The following GRIA1 variants were observed in gnomAD, a reference collection of about 807,000 sequenced individuals.
The protein encoded by GRIA1 is glutamate ionotropic receptor AMPA type subunit 1.
A neutral mutation model predicts 99.2 loss-of-function variants in GRIA1; 31 were observed. That is an observed-to-expected ratio of 0.31 (90% CI 0.23 to 0.42). The LOEUF (loss-of-function observed/expected upper bound fraction) is 0.42, where lower values mean the gene tolerates loss of function less well. Among genes scored for constraint, GRIA1 ranks in the 10% least tolerant of loss-of-function variants. GRIA1 has a pLI of 1.00. For synonymous variants in GRIA1, 438 were observed against 432.4 expected, an observed-to-expected ratio of 1.01 and a Z score of -0.16; for missense variants, 782 against 1,157.5, an observed-to-expected ratio of 0.68 and a Z score of 4.71.
intron 6 of GRIA1, among the ~76,000 whole-genome samples, chr5:153,676,337 C>A (rs540821984): frequency 2.6e-5 from 4 of 152,214 alleles, no homozygotes; most frequent in South Asian, 4.1e-4. Flanking sequence ...ATATATTTTC[C>A]TGGACTGCTC....
At chr5:153,739,067 T>A (rs1170547298) in intron 11 of GRIA1, among the ~76,000 whole-genome samples, 1 of 144,274 alleles carries the variant, frequency 6.9e-6, no homozygotes, top group East Asian at 2.1e-4. Context: ...CATTCTCCAT[T>A]CTGCAAGGCA....
chr5:153,576,987 T>C (rs1762598156), intron 2 of GRIA1, among the ~76,000 whole-genome samples: 1 of 129,938 alleles, frequency 7.7e-6, no homozygotes, highest in Non-Finnish European at 1.6e-5. Context: ...GATGGATGGG[T>C]GAGTGGATGA....
At chr5:153,627,390 C>A (rs1007577268) in intron 2 of GRIA1, among the ~76,000 whole-genome samples, 1 of 152,174 alleles carries the variant, frequency 6.6e-6, no homozygotes, top group Non-Finnish European at 1.5e-5. Flanking sequence ...ACCATCAAAC[C>A]CTTTATCCTT....
intron 2 of GRIA1, among the ~76,000 whole-genome samples, chr5:153,616,871 A>G (rs750839468): frequency 4.6e-5 from 7 of 152,156 alleles, no homozygotes; most frequent in Non-Finnish European, 1.0e-4. Flanking sequence ...TTCTCTCTTC[A>G]CTTCAGTGTT....
At chr5:153,561,922 C>T (rs1000451598) in intron 2 of GRIA1, among the ~76,000 whole-genome samples, 1 of 152,060 alleles carries the variant, frequency 6.6e-6, no homozygotes, top group Non-Finnish European at 1.5e-5. Context: ...AATTTTGGAT[C>T]AAAAGGGGAT....
chr5:153,622,588 C>T (rs144722728), intron 2 of GRIA1, among the ~76,000 whole-genome samples: 178 of 93,110 alleles, frequency 1.9e-3, no homozygotes, highest in African/African-American at 5.2e-3. Flanking sequence ...AGTTAAACCA[C>T]GCCTATGTGA....
intron 5 of GRIA1, among the ~76,000 whole-genome samples, chr5:153,668,356 A>G (rs1755899498): frequency 6.6e-6 from 1 of 152,124 alleles, no homozygotes; most frequent in Non-Finnish European, 1.5e-5. Flanking sequence ...TCCAGCCATC[A>G]CCTGATTTTA....
At chr5:153,617,719 C>T (rs1027113030) in intron 2 of GRIA1, among the ~76,000 whole-genome samples, 3 of 152,182 alleles carry the variant, frequency 2.0e-5, no homozygotes, top group African/African-American at 7.2e-5. Context: ...CACCTCTAAT[C>T]TCATATTTAT....
chr5:153,538,575 A>G (rs1758793364), intron 2 of GRIA1, among the ~76,000 whole-genome samples: 1 of 152,138 alleles, frequency 6.6e-6, no homozygotes, highest in South Asian at 2.1e-4. Context: ...GTCAGCTCAC[A>G]GGACACTCAC....
intron 11 of GRIA1, among the ~76,000 whole-genome samples, chr5:153,758,584 A>T (rs1762979150): frequency 6.6e-6 from 1 of 152,024 alleles, no homozygotes; most frequent in African/African-American, 2.4e-5. Flanking sequence ...ATAGACTTAA[A>T]GAGAACTATA....
At chr5:153,696,890 C>G (rs1758151490) in intron 8 of GRIA1, among the ~76,000 whole-genome samples, 3 of 136,712 alleles carry the variant, frequency 2.2e-5, no homozygotes. Context: ...GTGTATTAGT[C>G]AAGTCATTCT....
intron 9 of GRIA1, 56 bp from the exon 10 acceptor site, chr5:153,698,811 C>G (rs1758304993): frequency 8.6e-7 from 1 of 1,160,718 alleles, no homozygotes. Flanking sequence ...AAAGTCCTCC[C>G]TACCCATGGG....
intron 2 of GRIA1, among the ~76,000 whole-genome samples, chr5:153,559,128 AT>A (rs772758002): frequency 1.1e-4 from 17 of 152,222 alleles, no homozygotes; most frequent in Non-Finnish European, 1.9e-4. Context: ...TTTTTCCATC[AT>A]GTTTCCTAGA....
intron 7 of GRIA1, among the ~76,000 whole-genome samples, chr5:153,684,993 T>C (rs61171424): frequency 0.016 from 2,506 of 152,192 alleles, 76 homozygotes; most frequent in African/African-American, 0.057. Flanking sequence ...TCTCTCACTC[T>C]CAAACACACA....
At chr5:153,614,587 A>G (rs941361199) in intron 2 of GRIA1, among the ~76,000 whole-genome samples, 4 of 152,186 alleles carry the variant, frequency 2.6e-5, no homozygotes, top group Admixed American at 1.3e-4. Context: ...TGACTCCAAA[A>G]CCTGAACCCA....
chr5:153,731,413 C>A (rs565258934), intron 11 of GRIA1, among the ~76,000 whole-genome samples: 48 of 152,176 alleles, frequency 3.2e-4, no homozygotes, highest in Admixed American at 2.7e-3. Context: ...TTCACTTTCT[C>A]AGGGGACCCT....
rs117004920 is a variant in GRIA1, at chr5:153,760,156, C to T, written c.1824-4278C>T. On this transcript the variant is annotated intron_variant, in intron 11 of 15. Transcript: ENST00000285900. ...GAACTAGACGAGGATGGCCACTGTCCCCACTTCTATTCAACGTTGTACTGG... is the reference window on the plus strand; with the variant it reads ...GAACTAGACGAGGATGGCCACTGTCTCCACTTCTATTCAACGTTGTACTGG... 5.0e-4 allele frequency among the ~76,000 whole-genome samples: 76 copies of T among 152,018 alleles called. No homozygotes were observed. In the East Asian group the frequency reaches 0.014, roughly 29 times the overall value.
At chr5:153,556,740 T>C (rs1760681327) in intron 2 of GRIA1, among the ~76,000 whole-genome samples, 1 of 152,222 alleles carries the variant, frequency 6.6e-6, no homozygotes, top group Non-Finnish European at 1.5e-5. Flanking sequence ...AGTCTGAAGA[T>C]TGGTCTATGT....
At chr5:153,773,355 C>T (rs1430916091) in intron 13 of GRIA1, among the ~76,000 whole-genome samples, 1 of 152,142 alleles carries the variant, frequency 6.6e-6, no homozygotes, top group African/African-American at 2.4e-5. Flanking sequence ...ATGACAGCAC[C>T]ATTAAAGGCA....
Sources: allele counts gnomAD v4.1 joint callset (sites outside exome capture counted in the v4.1 genomes callset), GRCh38; gene constraint gnomAD v4.1.1; transcripts MANE v1.5; gene names NCBI Gene and HGNC (gene_info 2026-07-23, HGNC 2026-07-21).